The following ZRANB3 variants were observed in gnomAD, a reference collection of about 807,000 sequenced individuals.
ZRANB3 encodes DNA annealing helicase and endonuclease ZRANB3.
In ZRANB3, 125 loss-of-function variants were observed where a neutral mutation model predicts 133.8. The observed-to-expected ratio is 0.93, with a 90% CI of 0.81 to 1.08. The LOEUF (loss-of-function observed/expected upper bound fraction) is 1.08. Ranked by LOEUF, ZRANB3 falls within the 50% of genes least tolerant of loss-of-function variation. The pLI, the probability that ZRANB3 is intolerant of heterozygous loss-of-function variation, is 0.00. For missense variants in ZRANB3, 1,229 were observed against 1,275.5 expected, an observed-to-expected ratio of 0.96 and a Z score of 0.56; for synonymous variants, 387 against 432.7, an observed-to-expected ratio of 0.89 and a Z score of 1.31.
chr2:135,513,229 G>A (rs1200411865), intron 1 of ZRANB3, among the ~76,000 whole-genome samples: 1 of 152,056 alleles, frequency 6.6e-6, no homozygotes, highest in Non-Finnish European at 1.5e-5. Flanking sequence ...AATTCATATG[G>A]AAATGCAAGG....
At chr2:135,405,601 A>G (rs141925087) in intron 2 of ZRANB3, among the ~76,000 whole-genome samples, 6,763 of 152,274 alleles carry the variant, frequency 0.044, 505 homozygotes, top group African/African-American at 0.16. Flanking sequence ...GTAAAAGAAC[A>G]GAAATTATAA....
At chr2:135,291,166 A>G (rs773354319) in intron 8 of ZRANB3, among the ~76,000 whole-genome samples, 3 of 146,938 alleles carry the variant, frequency 2.0e-5, no homozygotes, top group Non-Finnish European at 4.5e-5. Flanking sequence ...CTGGCCCGGG[A>G]ACACCAATTA....
chr2:135,510,156 A>C (rs1438038939), intron 1 of ZRANB3, among the ~76,000 whole-genome samples: 1 of 152,206 alleles, frequency 6.6e-6, no homozygotes, highest in Admixed American at 6.5e-5. Context: ...AACACACAGA[A>C]AGTAAGAAAT....
At chr2:135,291,108 T>C (rs1253324815) in intron 8 of ZRANB3, among the ~76,000 whole-genome samples, 1 of 152,064 alleles carries the variant, frequency 6.6e-6, no homozygotes, top group Admixed American at 6.6e-5. Context: ...GTGATCCACC[T>C]GTCTCGGCCT....
chr2:135,359,620 AAAGAAAAGAAAGGAG>A (rs1238964970), intron 3 of ZRANB3, among the ~76,000 whole-genome samples: 3 of 151,858 alleles, frequency 2.0e-5, no homozygotes, highest in Non-Finnish European at 2.9e-5. Flanking sequence ...AAAGAAAAGA[AAAGAAAAGAAAGGAG>A]AAGAAAAGAA....
chr2:135,201,036 A>C (rs1184375868), intron 20 of ZRANB3, among the ~76,000 whole-genome samples: 1 of 152,134 alleles, frequency 6.6e-6, no homozygotes, highest in Non-Finnish European at 1.5e-5. Flanking sequence ...TTCTTAAGGC[A>C]ACTTGGGATT....
chr2:135,427,888 A>G (rs1689162619), intron 2 of ZRANB3, among the ~76,000 whole-genome samples: 1 of 152,218 alleles, frequency 6.6e-6, no homozygotes, highest in South Asian at 2.1e-4. Flanking sequence ...AAGTCCAGAA[A>G]TAAGGCCTCA....
chr2:135,320,491 C>T (rs1373506196), intron 6 of ZRANB3, among the ~76,000 whole-genome samples: 1 of 152,060 alleles, frequency 6.6e-6, no homozygotes, highest in East Asian at 1.9e-4. Flanking sequence ...TTCTTTTGAG[C>T]TTAGAATAAT....
chr2:135,258,186 C>T (rs1432984993), intron 12 of ZRANB3, among the ~76,000 whole-genome samples: 2 of 151,918 alleles, frequency 1.3e-5, no homozygotes, highest in South Asian at 4.2e-4. Context: ...ACAGTGGCTG[C>T]AAGAAATAAC....
intron 8 of ZRANB3, among the ~76,000 whole-genome samples, chr2:135,308,697 C>A (rs1003089266): frequency 2.0e-5 from 3 of 152,150 alleles, no homozygotes; most frequent in African/African-American, 7.2e-5. Context: ...AACTCCTAAG[C>A]TGAAGGGACT....
chr2:135,202,895 A>G lies in ZRANB3; in HGVS notation c.3078T>C (p.Tyr1026=), dbSNP rs375963644. 63 of 1,612,112 alleles carry G rather than the reference A, an allele frequency of 3.9e-5. No individual in the cohort carries two copies. Among genetic ancestry groups the G allele is most frequent in the Non-Finnish European group, 5.3e-5 (62 of 1,179,208 alleles). The change falls in exon 20 of 21, where the codon TAT becomes TAC. Residue 1026 remains tyrosine, a synonymous_variant. Transcript: ENST00000264159. ...CCAGGGAACACTGTCCTCCTCCCCCATACACTGGCTTGATGTGATCCACCT... is the reference window on the plus strand; with the variant it reads ...CCAGGGAACACTGTCCTCCTCCCCCGTACACTGGCTTGATGTGATCCACCT... ...FWQVDHIKPV[Y]GGGGQCSLDN...
At chr2:135,270,546 C>A (rs1680465160) in intron 10 of ZRANB3, among the ~76,000 whole-genome samples, 1 of 152,160 alleles carries the variant, frequency 6.6e-6, no homozygotes, top group African/African-American at 2.4e-5. Flanking sequence ...ACCTCCCCAG[C>A]TCTAAGTACT....
chr2:135,342,587 G>C (rs975833453), intron 6 of ZRANB3, among the ~76,000 whole-genome samples: 5 of 149,642 alleles, frequency 3.3e-5, no homozygotes, highest in Non-Finnish European at 5.9e-5. Flanking sequence ...TGGGATTACA[G>C]GTGTGAGTCA....
At chr2:135,513,846 T>G (rs1693584608) in intron 1 of ZRANB3, among the ~76,000 whole-genome samples, 1 of 152,222 alleles carries the variant, frequency 6.6e-6, no homozygotes, top group Admixed American at 6.5e-5. Flanking sequence ...TGCATATGGC[T>G]AGCCAGTTTT....
At chr2:135,391,751 T>C (rs1279271502) in intron 2 of ZRANB3, among the ~76,000 whole-genome samples, 1 of 152,208 alleles carries the variant, frequency 6.6e-6, no homozygotes, top group East Asian at 1.9e-4. Flanking sequence ...GGCTAATTTT[T>C]TGTATTTTTA....
intron 2 of ZRANB3, among the ~76,000 whole-genome samples, chr2:135,418,715 G>A (rs1315588320): frequency 6.6e-6 from 1 of 152,006 alleles, no homozygotes; most frequent in African/African-American, 2.4e-5. Flanking sequence ...GAAGACGGTG[G>A]GCAGAGGAGG....
chr2:135,316,981 A>T (rs1014086002), intron 6 of ZRANB3, among the ~76,000 whole-genome samples: 3,063 of 140,452 alleles, frequency 0.022, 83 homozygotes, highest in African/African-American at 0.078. Flanking sequence ...AAAAAAAAAA[A>T]AAATATATAT....
chr2:135,478,051 A>T (rs1325127375), intron 2 of ZRANB3, among the ~76,000 whole-genome samples: 1 of 152,170 alleles, frequency 6.6e-6, no homozygotes, highest in East Asian at 1.9e-4. Context: ...ACACACACAT[A>T]TACAAACACA....
chr2:135,433,577 C>T (rs1689407239), intron 2 of ZRANB3, among the ~76,000 whole-genome samples: 1 of 152,134 alleles, frequency 6.6e-6, no homozygotes, highest in South Asian at 2.1e-4. Context: ...TTGGGCTGGG[C>T]GCAGTGGCTC....
Sources: allele counts gnomAD v4.1 joint callset (sites outside exome capture counted in the v4.1 genomes callset), GRCh38; gene constraint gnomAD v4.1.1; transcripts MANE v1.5; gene names NCBI Gene and HGNC (gene_info 2026-07-23, HGNC 2026-07-21).